IRAG1: variants seen among roughly 807,000 people sequenced by gnomAD.
The protein encoded by IRAG1 is IP3R-associated cGMP kinase substrate.
IRAG1 carries 62 observed loss-of-function variants against 106.2 expected under a neutral mutation model. The ratio of observed to expected loss-of-function variants is 0.58; its 90% CI spans 0.48 to 0.72. The LOEUF (loss-of-function observed/expected upper bound fraction) is 0.72. Among genes scored for constraint, IRAG1 ranks in the 30% least tolerant of loss-of-function variants. The pLI is 0.00. For missense variants in IRAG1, 1,064 were observed against 1,140.7 expected (o/e 0.93, Z 0.97); for synonymous variants, 462 against 443.9 (o/e 1.04, Z -0.51).
intron 3 of IRAG1, among the ~76,000 whole-genome samples, 160 bp from the exon 4 acceptor site, chr11:10,632,221 T>C (rs2134642739): frequency 6.7e-6 from 1 of 149,806 alleles, no homozygotes; most frequent in South Asian, 2.1e-4. Context: ...AGTTTTACTC[T>C]GTCACCCAGG....
intron 2 of IRAG1, among the ~76,000 whole-genome samples, chr11:10,637,439 T>C (rs1857224585): frequency 6.6e-6 from 1 of 152,174 alleles, no homozygotes; most frequent in Admixed American, 6.5e-5. Context: ...CAACTCATTC[T>C]CTGGATAGTA....
chr11:10,671,340 G>C (rs1860205463), intron 1 of IRAG1, among the ~76,000 whole-genome samples: 1 of 152,142 alleles, frequency 6.6e-6, no homozygotes, highest in Non-Finnish European at 1.5e-5. Flanking sequence ...CTATACATTA[G>C]CAATGAACAA....
intron 1 of IRAG1, among the ~76,000 whole-genome samples, chr11:10,671,755 A>G (rs141351824): frequency 5.3e-5 from 8 of 152,014 alleles, no homozygotes; most frequent in Admixed American, 2.6e-4. Flanking sequence ...AACAACAAAA[A>G]CCAGAAATAT....
intron 11 of IRAG1, 72 bp from the exon 12 acceptor site, chr11:10,606,844 CCAG>C: frequency 7.1e-7 from 1 of 1,406,436 alleles, no homozygotes; most frequent in Non-Finnish European, 9.6e-7. Context: ...CTCTGAATGA[CCAG>C]CAGACCATGT....
chr11:10,603,053 T>C, intron 14 of IRAG1, 67 bp downstream of exon 14: 4 of 1,538,096 alleles, frequency 2.6e-6, no homozygotes, highest in South Asian at 2.4e-5. Context: ...TTGCCGCTGC[T>C]TGGGTGATTG....
chr11:10,671,274 A>G (rs4243916), intron 1 of IRAG1, among the ~76,000 whole-genome samples: 62,080 of 152,144 alleles, frequency 0.41, 13,146 homozygotes, highest in African/African-American at 0.5. Context: ...GGACTAATAA[A>G]TGAGCTCAGC....
intron 1 of IRAG1, among the ~76,000 whole-genome samples, chr11:10,692,578 A>G (rs975721770): frequency 4.6e-5 from 7 of 152,086 alleles, no homozygotes; most frequent in Non-Finnish European, 1.0e-4. Flanking sequence ...CCCCAGCCTC[A>G]CAGTCCCAGG....
intron 17 of IRAG1, chr11:10,593,243 A>T (rs1185131355): frequency 3.2e-6 from 1 of 312,592 alleles, no homozygotes; most frequent in East Asian, 6.6e-5. Flanking sequence ...GCACAAAAAG[A>T]GTTATCATTT....
At chr11:10,660,711 T>C (rs755185974) in intron 1 of IRAG1, among the ~76,000 whole-genome samples, 1 of 152,188 alleles carries the variant, frequency 6.6e-6, no homozygotes, top group Non-Finnish European at 1.5e-5. Context: ...TATGAATCCC[T>C]TATCCTCAAC....
Position 10,603,247 on chromosome 11 carries a change from G to A in IRAG1, c.1748C>T (p.Ser583Leu). ...CTCACAGTGGTGCCAGAGTGAAGCT[G>A]AGGACTGAACAGGAGTAGGAGCATC... Reference protein sequence around the residue: ...LENFKASITSSASLWHHCEHR... With the variant: ...LENFKASITSLASLWHHCEHR... The change falls in exon 14 of 21, where the codon TCA becomes TTA. Residue 583 changes from serine (S) to leucine (L), a missense_variant. By Grantham distance (145) the Ser-to-Leu change is moderately radical. Coordinates refer to ENST00000423302, the MANE Select transcript of IRAG1 (RefSeq NM_130385.4). 6.2e-7 allele frequency: 1 copy of A among 1,613,602 alleles called. No individual in the cohort carries two copies. Among genetic ancestry groups the A allele is most frequent in the Non-Finnish European group, 8.5e-7 (1 of 1,179,804 alleles).
At chr11:10,629,779 A>G (rs1856548091) in intron 4 of IRAG1, 68 bp from the exon 5 acceptor site, 1 of 1,488,724 alleles carries the variant, frequency 6.7e-7, no homozygotes, top group Non-Finnish European at 9.1e-7. Flanking sequence ...GTCATGCCAT[A>G]CCATGCCTCA....
rs1016694543 is a variant in IRAG1, at chr11:10,665,688, T to A, written c.68-13506A>T. On this transcript the variant is annotated intron_variant, in intron 1 of 20. Transcript: ENST00000423302. This position sits in a 1 kb window ranked among gnomAD's most constrained non-coding sequence, Gnocchi z 4.2. ...CAGCACCAGAGTTTAGGGTGGAGAC[T>A]CCCATGTGCAGGACAGGAAGGAAGC... Among the ~76,000 whole-genome samples the A allele has an allele frequency of 6.6e-6, 1 of 152,062 alleles. No homozygotes were observed. The highest frequency in any genetic ancestry group is 6.5e-5 in the Admixed American group (1 of 15,274).
chr11:10,668,341 T>TA (rs1859951444), intron 1 of IRAG1, among the ~76,000 whole-genome samples: 1 of 152,254 alleles, frequency 6.6e-6, no homozygotes, highest in Admixed American at 6.5e-5. Context: ...GTATGTAAAT[T>TA]AGATATACAG....
chr11:10,652,344 C>G (rs1260936520), intron 1 of IRAG1, 162 bp from the exon 2 acceptor site: 1 of 1,440,794 alleles, frequency 6.9e-7, no homozygotes, highest in Non-Finnish European at 9.1e-7. Context: ...TTCATTTCCT[C>G]CGGCTCTCTG....
intron 3 of IRAG1, 129 bp from the exon 4 acceptor site, chr11:10,632,190 C>CT (rs35138815): frequency 0.037 from 20,542 of 561,972 alleles, 724 homozygotes; most frequent in African/African-American, 0.18. Context: ...TTCTTTCTTT[C>CT]TTTTTTTTTT....
At chr11:10,619,934 C>T (rs1419331782) in intron 10 of IRAG1, among the ~76,000 whole-genome samples, 1 of 152,074 alleles carries the variant, frequency 6.6e-6, no homozygotes, top group Non-Finnish European at 1.5e-5. Flanking sequence ...ATTCATTTGC[C>T]TGATAATTTT....
chr11:10,649,194 G>T (rs899518120), intron 2 of IRAG1, among the ~76,000 whole-genome samples: 2 of 152,242 alleles, frequency 1.3e-5, no homozygotes, highest in Non-Finnish European at 2.9e-5. Flanking sequence ...AATGTGGGTG[G>T]TCTGGTGGGT....
At chr11:10,668,481 T>C (rs1020303039) in intron 1 of IRAG1, among the ~76,000 whole-genome samples, 2 of 152,236 alleles carry the variant, frequency 1.3e-5, no homozygotes, top group Admixed American at 6.5e-5. Flanking sequence ...CTAATGGTTT[T>C]TGTAAATAAA....
chr11:10,590,999 T>C (rs76224505), intron 18 of IRAG1, among the ~76,000 whole-genome samples: 2,331 of 152,296 alleles, frequency 0.015, 58 homozygotes, highest in African/African-American at 0.054. Context: ...AATGAGATAA[T>C]AGAGAAGACT....
Sources: allele counts gnomAD v4.1 joint callset (sites outside exome capture counted in the v4.1 genomes callset), GRCh38; gene constraint gnomAD v4.1.1; non-coding constraint Gnocchi (gnomAD v3.1); transcripts MANE v1.5; gene names NCBI Gene and HGNC (gene_info 2026-07-23, HGNC 2026-07-21).